The following NDE1 variants were observed in gnomAD, a reference collection of about 807,000 sequenced individuals.
NDE1 encodes nudE neurodevelopment protein 1, also known as nuclear distribution protein nudE homolog 1.
NDE1 carries 28 observed loss-of-function variants against 43.4 expected under a neutral mutation model. That is an observed-to-expected ratio of 0.65 (90% CI 0.48 to 0.89). NDE1 has a LOEUF of 0.89. Among genes scored for constraint, NDE1 ranks in the 40% least tolerant of loss-of-function variants. The pLI is 0.00. For missense variants in NDE1, 441 were observed against 434.1 expected, an observed-to-expected ratio of 1.02 and a Z score of -0.14; for synonymous variants, 184 against 172.0, an observed-to-expected ratio of 1.07 and a Z score of -0.55.
At chr16:15,658,993 A>G (rs369972064) in intron 1 of NDE1, among the ~76,000 whole-genome samples, 9 of 152,180 alleles carry the variant, frequency 5.9e-5, no homozygotes, top group Non-Finnish European at 1.3e-4. Flanking sequence ...GCCTTGATCA[A>G]ACTTTCAGAG....
At position 15,717,888 on chromosome 16, in the gene NDE1, T is replaced by G. The variant is rs930014353; in HGVS notation, c.948-6303T>G. On this transcript the variant is annotated intron_variant, in intron 8 of 8. Coordinates refer to ENST00000396354, the MANE Select transcript of NDE1 (RefSeq NM_017668.3). ...CTCTGTCCTGGAGTCGCCTGGAGAATGATGCCTGTTCACCCTACACCACAA... is the reference window on the plus strand; with the variant it reads ...CTCTGTCCTGGAGTCGCCTGGAGAAGGATGCCTGTTCACCCTACACCACAA... The G allele has an allele frequency of 5.4e-5, 15 of 276,620 alleles. No homozygotes were observed. The Admixed American group carries it at 5.8e-4, about 11-fold the overall frequency. 17.1% of individuals were successfully genotyped at this position (276,620 alleles called of 1,614,324 possible).
At chr16:15,666,722 G>A (rs1482876887) in intron 2 of NDE1, among the ~76,000 whole-genome samples, 4 of 152,132 alleles carry the variant, frequency 2.6e-5, no homozygotes, top group African/African-American at 4.8e-5. Flanking sequence ...GGGACCCCAG[G>A]TGATCCTTCT....
At chr16:15,704,169 G>A (rs2039328222) in intron 8 of NDE1, 1 of 1,609,264 alleles carries the variant, frequency 6.2e-7, no homozygotes, top group Non-Finnish European at 8.5e-7. Context: ...AAATCTTCAT[G>A]GTTGGGATAG....
intron 4 of NDE1, 112 bp downstream of exon 4, chr16:15,678,061 A>G: frequency 2.2e-6 from 3 of 1,357,124 alleles, no homozygotes; most frequent in Non-Finnish European, 2.1e-6. Context: ...AGTGAGCAGA[A>G]CAAAGCCAGT....
At chr16:15,654,208 A>G (rs1348205063) in intron 1 of NDE1, among the ~76,000 whole-genome samples, 2 of 152,176 alleles carry the variant, frequency 1.3e-5, no homozygotes, top group African/African-American at 4.8e-5. Flanking sequence ...CACACAGATG[A>G]AATAAATGCA....
chr16:15,717,371 T>G (rs1019597519), intron 8 of NDE1: 2 of 1,602,200 alleles, frequency 1.2e-6, no homozygotes, highest in Non-Finnish European at 1.7e-6. Context: ...GTGAAGGCCA[T>G]GAGGCGGACT....
chr16:15,646,080 A>G (rs958973969), upstream of NDE1, among the ~76,000 whole-genome samples: 23 of 152,234 alleles, frequency 1.5e-4, no homozygotes, highest in Non-Finnish European at 1.8e-4. Context: ...GTTCCCAAAT[A>G]GGACTTTAAG....
chr16:15,658,179 A>C (rs1488603135), intron 1 of NDE1, among the ~76,000 whole-genome samples: 3 of 152,094 alleles, frequency 2.0e-5, no homozygotes, highest in Non-Finnish European at 4.4e-5. Context: ...TTTCAGGCTT[A>C]CCTCCGGCTT....
Position 15,691,240 on chromosome 16 carries a change from A to C in NDE1, c.620A>C (p.Gln207Pro), listed in dbSNP as rs778821290. The change falls in exon 6 of 9, where the codon CAG becomes CCG. Residue 207 changes from glutamine (Q) to proline (P), a missense_variant. Gln to Pro is a moderately conservative substitution (Grantham distance 76). Coordinates refer to ENST00000396354, the MANE Select transcript of NDE1 (RefSeq NM_017668.3). Reference sequence around the variant, plus strand: ...GCTGAGAGGACAGACACAGCTGTGCAGGCCACGGGCTCCGTGCCGTCCACG... The same window carrying C: ...GCTGAGAGGACAGACACAGCTGTGCCGGCCACGGGCTCCGTGCCGTCCACG... ...VEAERTDTAV[Q>P]ATGSVPSTPI... 1 of 1,614,220 alleles carries C rather than the reference A, an allele frequency of 6.2e-7. No homozygotes were observed. The highest frequency in any genetic ancestry group is 2.2e-5 in the East Asian group (1 of 44,886).
intron 8 of NDE1, among the ~76,000 whole-genome samples, chr16:15,715,927 A>G (rs1277545255): frequency 6.6e-6 from 1 of 151,320 alleles, no homozygotes; most frequent in Non-Finnish European, 1.5e-5. Context: ...GGAGTTCGAG[A>G]CCAGCCTGGC....
chr16:15,679,788 G>C (rs1221049983), intron 4 of NDE1, among the ~76,000 whole-genome samples: 2 of 150,402 alleles, frequency 1.3e-5, no homozygotes, highest in African/African-American at 5.0e-5. Flanking sequence ...TTTTGTTTTT[G>C]TTTTTGTTTT....
chr16:15,655,429 G>C lies in NDE1; in HGVS notation c.-44+5135G>C, dbSNP rs183960313. On this transcript the variant is annotated intron_variant, in intron 1 of 8. Coordinates refer to ENST00000396354, the MANE Select transcript of NDE1 (RefSeq NM_017668.3). ...CAAAGTGCTGGGATTACAGGCGTGA[G>C]CCATCGTGCCCGGCCTCTCTCTGAC... 2.6e-5 allele frequency among the ~76,000 whole-genome samples: 4 copies of C among 152,326 alleles called. No individual in the cohort carries two copies. The East Asian group carries it at 7.7e-4, about 29-fold the overall frequency.
At chr16:15,721,246 CCTCGACTGCCATT>C in intron 8 of NDE1, 1 of 941,984 alleles carries the variant, frequency 1.1e-6, no homozygotes, top group Non-Finnish European at 1.6e-6. Context: ...TCAGACCCAT[CCTCGACTGCCATT>C]CTCAGCCCCT....
chr16:15,715,062 C>G lies in NDE1; in HGVS notation c.948-9129C>G, dbSNP rs2040045274. 1.9e-6 allele frequency: 3 copies of G among 1,613,226 alleles called. No homozygotes were observed. The highest frequency in any genetic ancestry group is 2.5e-6 in the Non-Finnish European group (3 of 1,180,030). ...CAGCTGCCTCTTGAGCTGCTTGACCCTGGCATTGCCTTTCTCTGCCTGTCG... is the reference window on the plus strand; with the variant it reads ...CAGCTGCCTCTTGAGCTGCTTGACCGTGGCATTGCCTTTCTCTGCCTGTCG... On this transcript the variant is annotated intron_variant, in intron 8 of 8. Coordinates refer to ENST00000396354, the MANE Select transcript of NDE1 (RefSeq NM_017668.3).
chr16:15,721,105 T>G (rs570743425), intron 8 of NDE1: 1 of 1,590,710 alleles, frequency 6.3e-7, no homozygotes, highest in African/African-American at 1.3e-5. Context: ...ATGAAGACGA[T>G]TGAGAAACCC....
At chr16:15,698,855 T>C (rs984075885) in intron 8 of NDE1, among the ~76,000 whole-genome samples, 1 of 150,670 alleles carries the variant, frequency 6.6e-6, no homozygotes, top group African/African-American at 2.5e-5. Context: ...AGTGAGACTC[T>C]TTCTCAAGAA....
chr16:15,696,986 CCT>C (rs2151143727), intron 8 of NDE1, 126 bp downstream of exon 8: 1 of 1,539,522 alleles, frequency 6.5e-7, no homozygotes, highest in Admixed American at 2.0e-5. Context: ...CAAACCTTAT[CCT>C]CTCCTCTGCT....
chr16:15,677,763 T>C (rs1244766013), intron 3 of NDE1, 38 bp from the exon 4 acceptor site: 2 of 1,613,258 alleles, frequency 1.2e-6, no homozygotes, highest in East Asian at 2.2e-5. Flanking sequence ...TTCTCAGAAG[T>C]CTTAAGTCAT....
chr16:15,655,759 G>C (rs1055973414), intron 1 of NDE1, among the ~76,000 whole-genome samples: 1 of 151,992 alleles, frequency 6.6e-6, no homozygotes, highest in Non-Finnish European at 1.5e-5. Context: ...ACTGGATTAA[G>C]AAAACGTGGC....
Sources: gnomAD v4.1 joint callset for allele counts (sites outside exome capture counted in the v4.1 genomes callset) on GRCh38, gnomAD v4.1.1 for gene constraint, MANE v1.5 for transcripts, NCBI Gene and HGNC (gene_info 2026-07-23, HGNC 2026-07-21) for gene names.